Variants in KCNMA1 observed in about 807,000 individuals in gnomAD.
The protein encoded by KCNMA1 is potassium calcium-activated channel subfamily M alpha 1.
KCNMA1 carries 29 observed loss-of-function variants against 140.0 expected under a neutral mutation model. The observed-to-expected ratio is 0.21, with a 90% confidence interval of 0.15 to 0.28. The LOEUF (loss-of-function observed/expected upper bound fraction) is 0.28. Among genes scored for constraint, KCNMA1 ranks in the 10% least tolerant of loss-of-function variants. KCNMA1 has a pLI of 1.00. For missense variants in KCNMA1, 880 were observed against 1,602.2 expected, an observed-to-expected ratio of 0.55 and a Z score of 7.70; for synonymous variants, 612 against 611.9, an observed-to-expected ratio of 1.00 and a Z score of 0.00.
chr10:77,378,118 C>G (rs1160880280), intron 2 of KCNMA1, among the ~76,000 whole-genome samples: 1 of 152,202 alleles, frequency 6.6e-6, no homozygotes. Flanking sequence ...TGAAAATGCT[C>G]TGTGTGCTCA....
At chr10:77,595,983 A>G (rs536094845) in intron 1 of KCNMA1, among the ~76,000 whole-genome samples, 1 of 152,216 alleles carries the variant, frequency 6.6e-6, no homozygotes, top group Non-Finnish European at 1.5e-5. Flanking sequence ...ACAGTATCAA[A>G]TGCCCTCCTA....
Position 77,049,490 on chromosome 10 carries a change from A to G in KCNMA1, c.1750-9853T>C, listed in dbSNP as rs988107876. On this transcript the variant is annotated intron_variant, in intron 14 of 27. Transcript: ENST00000286628. ...ACTTCTCTGACATCTGAAGAGAACT[A>G]CAATGAGGTGGAATTCCATTTCCGT... Among the ~76,000 whole-genome samples the G allele has an allele frequency of 3.7e-4, 57 of 152,216 alleles. 1 individual carries two copies. Among genetic ancestry groups the G allele is most frequent in the Admixed American group, 3.5e-3 (54 of 15,286 alleles).
intron 19 of KCNMA1, among the ~76,000 whole-genome samples, chr10:76,979,060 G>A (rs773205534): frequency 2.6e-5 from 4 of 151,980 alleles, no homozygotes; most frequent in Non-Finnish European, 5.9e-5. Context: ...CTCTCACCTC[G>A]CCCAATTTCC....
At chr10:77,219,525 G>A (rs2048882615) in intron 3 of KCNMA1, among the ~76,000 whole-genome samples, 2 of 151,710 alleles carry the variant, frequency 1.3e-5, no homozygotes, top group Admixed American at 1.3e-4. Flanking sequence ...AGATTATGAG[G>A]GTACAGAAAG....
chr10:77,523,608 A>G (rs1330273248), intron 1 of KCNMA1, among the ~76,000 whole-genome samples: 1 of 152,292 alleles, frequency 6.6e-6, no homozygotes, highest in Admixed American at 6.5e-5. Context: ...TTATTTCAAG[A>G]AAGTGTAAAG....
intron 1 of KCNMA1, among the ~76,000 whole-genome samples, chr10:77,514,492 A>G (rs68188565): frequency 0.33 from 49,661 of 151,934 alleles, 9,037 homozygotes; most frequent in East Asian, 0.53. Context: ...CCACGCCTTA[A>G]TAAAAAGGCC....
At chr10:77,185,476 G>T (rs2098841801) in intron 3 of KCNMA1, among the ~76,000 whole-genome samples, 1 of 152,138 alleles carries the variant, frequency 6.6e-6, no homozygotes, top group Non-Finnish European at 1.5e-5. Flanking sequence ...TCCTGGGTGA[G>T]GTTCTGGCTA....
chr10:77,322,321 G>A (rs1226350924), intron 2 of KCNMA1, among the ~76,000 whole-genome samples: 2 of 152,210 alleles, frequency 1.3e-5, no homozygotes, highest in African/African-American at 4.8e-5. Context: ...TCATAGTGAT[G>A]TTAAGAGACT....
rs371154044 is a variant in KCNMA1, at chr10:77,445,353, C to T, written c.379-41330G>A. 8.4e-4 allele frequency among the ~76,000 whole-genome samples: 120 copies of T among 142,202 alleles called. 1 individual carries two copies. The highest frequency in any genetic ancestry group is 3.3e-3 in the African/African-American group (115 of 34,884). The allele number at this position is 142,202 out of a possible 152,430, so 93.3% of individuals were successfully genotyped here. A position where few individuals can be genotyped will look rare whatever the true frequency, so the allele number is the denominator to read the frequency against. On this transcript the variant is annotated intron_variant, in intron 1 of 27. Transcript: ENST00000286628. ...ATATTCTCTCTCTCTCTCTCTCACA[C>T]GCACATACACAGACACACACACACA...
At chr10:77,097,396 C>A (rs1226832545) in intron 9 of KCNMA1, among the ~76,000 whole-genome samples, 1 of 152,050 alleles carries the variant, frequency 6.6e-6, no homozygotes, top group Non-Finnish European at 1.5e-5. Flanking sequence ...TCCACCCTAC[C>A]CCAGGACCTG....
At chr10:77,270,271 C>T (rs954347266) in intron 2 of KCNMA1, among the ~76,000 whole-genome samples, 3 of 152,134 alleles carry the variant, frequency 2.0e-5, no homozygotes, top group Non-Finnish European at 4.4e-5. Flanking sequence ...GGGTTGTGTT[C>T]ATGTATGAGT....
In KCNMA1 at chr10:77,562,113, G is replaced by A. The variant is rs145413023; in HGVS notation, c.378+75152C>T. Among the ~76,000 whole-genome samples the A allele has an allele frequency of 2.4e-3, 361 of 152,296 alleles. 8 individuals are homozygous for A. In the South Asian group the frequency reaches 0.025, roughly 11 times the overall value. The stretch of plus-strand genomic sequence containing the variant: ...ATTGGTACTTAGGGTGTTTGGTGGT[G>A]GTGGTTTGTTTCTTCCCTATCTGTG... On this transcript the variant is annotated intron_variant, in intron 1 of 27. Transcript: ENST00000286628.
At chr10:77,096,697 A>T (rs1441124987) in intron 9 of KCNMA1, among the ~76,000 whole-genome samples, 1 of 152,224 alleles carries the variant, frequency 6.6e-6, no homozygotes, top group Non-Finnish European at 1.5e-5. Context: ...GACAGAGTAA[A>T]TTGAAAATCC....
chr10:77,483,858 C>A (rs562037521), intron 1 of KCNMA1, among the ~76,000 whole-genome samples: 6 of 152,192 alleles, frequency 3.9e-5, no homozygotes, highest in Non-Finnish European at 8.8e-5. Flanking sequence ...CAATTCTCAT[C>A]GTGACAAAAG....
At chr10:77,341,976 C>T (rs61174910) in intron 2 of KCNMA1, among the ~76,000 whole-genome samples, 2,149 of 152,270 alleles carry the variant, frequency 0.014, 44 homozygotes, top group African/African-American at 0.049. Flanking sequence ...CCACAGCACC[C>T]AAAAGACCCC....
At chr10:77,182,020 A>G (rs2098806964) in intron 5 of KCNMA1, among the ~76,000 whole-genome samples, 2 of 152,172 alleles carry the variant, frequency 1.3e-5, no homozygotes, top group Admixed American at 1.3e-4. Context: ...ACTTGACACT[A>G]GGTATATAAT....
chr10:77,476,243 T>C (rs1424414919), intron 1 of KCNMA1, among the ~76,000 whole-genome samples: 1 of 152,108 alleles, frequency 6.6e-6, no homozygotes, highest in African/African-American at 2.4e-5. Context: ...TTAGCACATG[T>C]CAAAAGGCCA....
chr10:77,023,022 G>T (rs1483813768), intron 16 of KCNMA1: 2 of 443,674 alleles, frequency 4.5e-6, no homozygotes, highest in African/African-American at 4.0e-5. Flanking sequence ...ACACATCTAC[G>T]TGCAATTGGC....
At position 77,593,759 on chromosome 10, in the gene KCNMA1, G is replaced by GCTTTC. The variant is rs1340426409; in HGVS notation, c.378+43505_378+43506insGAAAG. Among the ~76,000 whole-genome samples, 797 of 152,278 alleles carry GCTTTC rather than the reference G, an allele frequency of 5.2e-3. 8 individuals carry two copies. The highest frequency in any genetic ancestry group is 0.025 in the South Asian group (121 of 4,822). On this transcript the variant is annotated intron_variant, in intron 1 of 27. Transcript: ENST00000286628. Reference sequence around the variant, plus strand: ...TGCCTCATCTTCTTTCTGCTGCTTGGTGCTGTCTTTGCTACTCCAACAACC... The same window carrying GCTTTC: ...TGCCTCATCTTCTTTCTGCTGCTTGGCTTTCTGCTGTCTTTGCTACTCCAACAACC...
Sources: gnomAD v4.1 joint callset for allele counts (sites outside exome capture counted in the v4.1 genomes callset) on GRCh38, gnomAD v4.1.1 for gene constraint, MANE v1.5 for transcripts, NCBI Gene and HGNC (gene_info 2026-07-23, HGNC 2026-07-21) for gene names.